Variants in SETBP1 observed in about 807,000 individuals in gnomAD.
SETBP1 encodes the protein SET binding protein 1, also known as SET-binding protein.
SETBP1 carries 9 observed loss-of-function variants against 101.0 expected under a neutral mutation model. The observed-to-expected ratio is 0.09, with a 90% CI of 0.05 to 0.16. The LOEUF is 0.16. SETBP1 is among the 10% of genes least tolerant of loss of function. SETBP1 has a pLI of 1.00. For synonymous variants in SETBP1, 818 were observed against 788.5 expected (o/e 1.04, Z -0.63); for missense variants, 1,858 against 2,033.8 (o/e 0.91, Z 1.66).
chr18:44,979,996 A>G (rs755850599), intron 4 of SETBP1, among the ~76,000 whole-genome samples: 6 of 152,246 alleles, frequency 3.9e-5, no homozygotes, highest in Admixed American at 6.5e-5. Context: ...ATGTTGATCC[A>G]GTGTCACTGT....
chr18:44,925,103 A>ATT (rs759704941), intron 3 of SETBP1, among the ~76,000 whole-genome samples: 1 of 86,190 alleles, frequency 1.2e-5, no homozygotes. Flanking sequence ...TTCTGCCTGG[A>ATT]TTTTTTTTTT....
intron 2 of SETBP1, among the ~76,000 whole-genome samples, chr18:44,811,666 G>A (rs967695656): frequency 3.3e-5 from 5 of 152,210 alleles, no homozygotes; most frequent in Admixed American, 6.5e-5. Context: ...TAAAGTTGCA[G>A]TTAAACTTTT....
intron 4 of SETBP1, among the ~76,000 whole-genome samples, chr18:45,011,625 C>T (rs2072840192): frequency 6.6e-6 from 1 of 152,240 alleles, no homozygotes; most frequent in African/African-American, 2.4e-5. Context: ...TGCTGACCAA[C>T]AGCCAGTTTG....
intron 3 of SETBP1, among the ~76,000 whole-genome samples, chr18:44,943,506 C>T (rs879942545): frequency 6.6e-5 from 10 of 152,248 alleles, no homozygotes; most frequent in Non-Finnish European, 1.5e-4. Context: ...ACTCTGTCTG[C>T]TCATTGGGAT....
chr18:44,741,662 C>T (rs944382766), intron 2 of SETBP1, among the ~76,000 whole-genome samples: 4 of 149,046 alleles, frequency 2.7e-5, no homozygotes, highest in African/African-American at 4.9e-5. Flanking sequence ...AATTGCAGGG[C>T]TGGGTGGGAG....
At chr18:44,718,069 T>C (rs2069505951) in intron 2 of SETBP1, among the ~76,000 whole-genome samples, 1 of 152,218 alleles carries the variant, frequency 6.6e-6, no homozygotes, top group Non-Finnish European at 1.5e-5. Flanking sequence ...CACTTTACCA[T>C]ATGGAATGAT....
At chr18:44,772,590 CAG>C (rs1179512564) in intron 2 of SETBP1, among the ~76,000 whole-genome samples, 2 of 152,158 alleles carry the variant, frequency 1.3e-5, no homozygotes, top group Admixed American at 6.5e-5. Context: ...CACTCTTCAG[CAG>C]AGTGATGCGT....
At chr18:44,844,293 C>T (rs562061333) in intron 2 of SETBP1, among the ~76,000 whole-genome samples, 168 of 152,114 alleles carry the variant, frequency 1.1e-3, no homozygotes, top group Admixed American at 2.2e-3. Flanking sequence ...TCCTGGGTCT[C>T]TCCTCCCACC....
rs80336489 is a variant in SETBP1, at chr18:44,770,657, A to G, written c.486+68825A>G. 5.7e-3 allele frequency among the ~76,000 whole-genome samples: 873 copies of G among 152,336 alleles called. 57 individuals are homozygous for G. The East Asian group carries it at 0.15, about 26-fold the overall frequency. ...CCTTAATTGTTCAGGAACAGCCCAC[A>G]AAAGATTTAGCGCCATTCCTTTAAA... is the stretch of plus-strand genomic sequence containing the variant. On this transcript the variant is annotated intron_variant, in intron 2 of 5. Coordinates refer to ENST00000649279, the MANE Select transcript of SETBP1 (RefSeq NM_015559.3).
chr18:44,939,675 C>T (rs117408384), intron 3 of SETBP1, among the ~76,000 whole-genome samples: 3 of 152,186 alleles, frequency 2.0e-5, no homozygotes, highest in South Asian at 2.1e-4. Context: ...CCTCCAACAA[C>T]GTATGATAGT....
At chr18:44,897,679 G>C (rs1216554038) in intron 3 of SETBP1, among the ~76,000 whole-genome samples, 3 of 152,178 alleles carry the variant, frequency 2.0e-5, no homozygotes, top group African/African-American at 7.2e-5. Context: ...AAATAGAAAA[G>C]AGTGAGCAGC....
chr18:44,847,012 C>T (rs986338028), intron 2 of SETBP1, among the ~76,000 whole-genome samples: 37 of 152,048 alleles, frequency 2.4e-4, no homozygotes, highest in Admixed American at 2.6e-4. Flanking sequence ...CGCAAAGAAA[C>T]GTAACTGAAA....
intron 3 of SETBP1, among the ~76,000 whole-genome samples, chr18:44,908,047 C>A (rs1251258474): frequency 6.7e-6 from 1 of 149,332 alleles, no homozygotes; most frequent in African/African-American, 2.4e-5. Flanking sequence ...TCTTCCTCCT[C>A]CTCCTTCTTT....
chr18:44,750,287 C>G (rs1190386490), intron 2 of SETBP1, among the ~76,000 whole-genome samples: 1 of 152,182 alleles, frequency 6.6e-6, no homozygotes, highest in East Asian at 1.9e-4. Flanking sequence ...TGAAGGCCCT[C>G]TTTCTGGTTT....
At chr18:44,875,873 A>G (rs879408357) in intron 3 of SETBP1, among the ~76,000 whole-genome samples, 15 of 152,206 alleles carry the variant, frequency 9.9e-5, no homozygotes, top group Non-Finnish European at 1.5e-4. Context: ...CAATATCTGT[A>G]TTCTTAACCA....
At chr18:44,995,185 A>G (rs1418969392) in intron 4 of SETBP1, among the ~76,000 whole-genome samples, 1 of 123,122 alleles carries the variant, frequency 8.1e-6, no homozygotes, top group Non-Finnish European at 1.6e-5. Flanking sequence ...TCTGTTGCCC[A>G]GGCTGGAGTG....
intron 2 of SETBP1, among the ~76,000 whole-genome samples, chr18:44,742,698 G>A (rs1427680243): frequency 6.6e-6 from 1 of 152,102 alleles, no homozygotes; most frequent in East Asian, 1.9e-4. Flanking sequence ...CTGTGGGGAG[G>A]GCCAGCCTGC....
chr18:44,866,128 T>C (rs1161166526), intron 2 of SETBP1, among the ~76,000 whole-genome samples: 1 of 152,192 alleles, frequency 6.6e-6, no homozygotes, highest in Non-Finnish European at 1.5e-5. Flanking sequence ...CCCTTTTATA[T>C]TGTTCTTCCT....
intron 4 of SETBP1, among the ~76,000 whole-genome samples, chr18:44,969,797 G>A (rs943451222): frequency 6.6e-6 from 1 of 152,112 alleles, no homozygotes; most frequent in Non-Finnish European, 1.5e-5. Flanking sequence ...AAACTCTACC[G>A]CTTCTTGCAC....
Sources: gnomAD v4.1 joint callset for allele counts (sites outside exome capture counted in the v4.1 genomes callset) on GRCh38, gnomAD v4.1.1 for gene constraint, MANE v1.5 for transcripts, NCBI Gene and HGNC (gene_info 2026-07-23, HGNC 2026-07-21) for gene names.